CNTNAP5: variants seen among roughly 807,000 people sequenced by gnomAD.
The protein encoded by CNTNAP5 is contactin associated protein family member 5.
A neutral mutation model predicts 150.2 loss-of-function variants in CNTNAP5; 72 were observed. That is an observed-to-expected ratio of 0.48 (90% confidence interval 0.40 to 0.58). CNTNAP5 has a LOEUF of 0.58. Among genes scored for constraint, CNTNAP5 ranks in the 20% least tolerant of loss-of-function variants. CNTNAP5 has a pLI of 0.00. For synonymous variants in CNTNAP5, 672 were observed against 619.8 expected, an observed-to-expected ratio of 1.08 and a Z score of -1.25; for missense variants, 1,636 against 1,626.2, an observed-to-expected ratio of 1.01 and a Z score of -0.10.
chr2:124,404,851 T>C (rs903173954), intron 3 of CNTNAP5, among the ~76,000 whole-genome samples: 8 of 152,174 alleles, frequency 5.3e-5, no homozygotes, highest in African/African-American at 1.9e-4. Flanking sequence ...CCTCAAGTTC[T>C]TTAACTCCAG....
intron 7 of CNTNAP5, among the ~76,000 whole-genome samples, chr2:124,490,378 AGAGGGAGG>A (rs35775977): frequency 7.7e-6 from 1 of 130,242 alleles, no homozygotes; most frequent in Admixed American, 8.2e-5. Flanking sequence ...AGAAAGAAAG[AGAGGGAGG>A]GAGGGAGGGA....
At chr2:124,122,641 G>A (rs1683591445) in intron 1 of CNTNAP5, among the ~76,000 whole-genome samples, 1 of 152,124 alleles carries the variant, frequency 6.6e-6, no homozygotes, top group Non-Finnish European at 1.5e-5. Flanking sequence ...AAAGGCACAA[G>A]TCACAGAGCT....
intron 1 of CNTNAP5, among the ~76,000 whole-genome samples, chr2:124,069,374 C>T (rs916822786): frequency 3.3e-5 from 5 of 152,144 alleles, no homozygotes; most frequent in African/African-American, 1.2e-4. Flanking sequence ...ATACGTGGCT[C>T]CAAGTCAGCA....
At chr2:124,793,816 A>G (rs1681787709) in intron 18 of CNTNAP5, among the ~76,000 whole-genome samples, 1 of 152,178 alleles carries the variant, frequency 6.6e-6, no homozygotes, top group Admixed American at 6.5e-5. Context: ...CACCATTAAT[A>G]AAGAACTTGG....
Position 124,025,604 on chromosome 2 carries a change from A to G in CNTNAP5, c.-47A>G. The stretch of plus-strand genomic sequence containing the variant: ...CAGCGAGAAGAAGCCGCGGCTGGCT[A>G]CTGCGAATTTGGGATTCGATTGGGA... On this transcript the variant is annotated 5_prime_UTR_variant, in exon 1 of 24. Transcript: ENST00000682447. 6.4e-7 allele frequency: 1 copy of G among 1,552,864 alleles called. No homozygotes were observed. The highest frequency in any genetic ancestry group is 1.1e-5 in the South Asian group (1 of 89,870).
intron 1 of CNTNAP5, among the ~76,000 whole-genome samples, chr2:124,093,720 C>T (rs1306699168): frequency 6.6e-6 from 1 of 152,160 alleles, no homozygotes; most frequent in Non-Finnish European, 1.5e-5. Flanking sequence ...AATCTTCATA[C>T]TTGGGTATAA....
At chr2:124,117,057 C>T (rs1303121078) in intron 1 of CNTNAP5, among the ~76,000 whole-genome samples, 1 of 152,250 alleles carries the variant, frequency 6.6e-6, no homozygotes. Flanking sequence ...CTATCCTCCT[C>T]TCCTAACAGA....
At chr2:124,323,844 G>C (rs896937528) in intron 3 of CNTNAP5, among the ~76,000 whole-genome samples, 1 of 151,934 alleles carries the variant, frequency 6.6e-6, no homozygotes, top group African/African-American at 2.4e-5. Flanking sequence ...AAAATAAAAA[G>C]TTATGGCCTT....
chr2:124,233,690 T>C (rs1023461132), intron 2 of CNTNAP5, among the ~76,000 whole-genome samples: 5 of 151,960 alleles, frequency 3.3e-5, no homozygotes, highest in Non-Finnish European at 7.4e-5. Flanking sequence ...CTCTCTTTCC[T>C]CTTTCTCTCC....
intron 10 of CNTNAP5, among the ~76,000 whole-genome samples, chr2:124,559,552 T>C (rs1311628050): frequency 6.6e-6 from 1 of 152,226 alleles, no homozygotes; most frequent in African/African-American, 2.4e-5. Context: ...AGAAGACAGA[T>C]GTTCAATGTG....
chr2:124,783,523 C>T (rs1340923161), intron 17 of CNTNAP5, among the ~76,000 whole-genome samples: 1 of 152,160 alleles, frequency 6.6e-6, no homozygotes, highest in Non-Finnish European at 1.5e-5. Context: ...AATAACAATG[C>T]TTTAATGGCT....
In CNTNAP5 at chr2:124,434,655, A is replaced by C; in HGVS notation, c.701A>C (p.Gln234Pro). ...GGAGACCACATCACCTTGGAACTCC[A>C]GAAGGGGAGGCTCGCCCTACACCTC... ...QRGDHITLEL[Q>P]KGRLALHLNL... is the part of the protein sequence containing the mutation. Residue 234 changes from glutamine to proline, a missense_variant, in exon 5 of 24, where the codon CAG (glutamine) becomes CCG (proline). Gln to Pro is a moderately conservative substitution (Grantham distance 76). Transcript: ENST00000682447. 6.2e-7 allele frequency: 1 copy of C among 1,613,520 alleles called. No individual in the cohort carries two copies. The highest frequency in any genetic ancestry group is 8.5e-7 in the Non-Finnish European group (1 of 1,179,714).
chr2:124,636,900 T>TTTTCTCCTCTCCTCTG (rs1553425550), intron 12 of CNTNAP5, among the ~76,000 whole-genome samples: 5 of 151,718 alleles, frequency 3.3e-5, no homozygotes, highest in Non-Finnish European at 5.9e-5. Flanking sequence ...CCTCATCTCT[T>TTTTCTCCTCTCCTCTG]TCTCTTTTTC....
chr2:124,362,109 AG>A (rs1306706227), intron 3 of CNTNAP5, among the ~76,000 whole-genome samples: 2 of 152,244 alleles, frequency 1.3e-5, no homozygotes, highest in Admixed American at 6.5e-5. Context: ...TGACTCGGAA[AG>A]GGAACTCCCT....
chr2:124,883,904 A>G (rs1040692760), intron 21 of CNTNAP5, among the ~76,000 whole-genome samples: 6 of 152,074 alleles, frequency 3.9e-5, no homozygotes, highest in African/African-American at 9.7e-5. Context: ...GTACAGGCAC[A>G]TGTATATGTG....
chr2:124,787,572 A>G (rs1342796794), intron 17 of CNTNAP5, among the ~76,000 whole-genome samples: 1 of 152,166 alleles, frequency 6.6e-6, no homozygotes, highest in Non-Finnish European at 1.5e-5. Context: ...AATGTCATAC[A>G]TATATTTATG....
chr2:124,798,777 T>C (rs1311735693), intron 19 of CNTNAP5, among the ~76,000 whole-genome samples: 1 of 152,182 alleles, frequency 6.6e-6, no homozygotes, highest in African/African-American at 2.4e-5. Context: ...GTAGTTAGTA[T>C]ATGAGTCATA....
intron 10 of CNTNAP5, among the ~76,000 whole-genome samples, chr2:124,541,179 A>ATTTTTTTTTTTTTTTTTT (rs3980963): frequency 1.4e-4 from 12 of 83,072 alleles, no homozygotes; most frequent in African/African-American, 2.8e-4. Flanking sequence ...CAAAATTCCG[A>ATTTTTTTTTTTTTTTTTT]TTTTTTTTTT....
At position 124,902,899 on chromosome 2, in the gene CNTNAP5, T is replaced by C. The variant is rs756629891; in HGVS notation, c.3454T>C (p.Ser1152Pro). The change falls in exon 22 of 24, where the codon TCT becomes CCT. Residue 1152 changes from serine to proline, a missense_variant. Physicochemically the swap from Ser to Pro is moderately conservative, Grantham distance 74. Transcript: ENST00000682447. ...GKVTENLGLD[S>P]EVAKANAMGF... ...CATTGCAGAGAATCTTGGTTTGGAT[T>C]CTGAAGTTGCTAAAGCAAATGCCAT... The C allele has an allele frequency of 1.2e-6, 2 of 1,609,260 alleles. No homozygotes were observed. The highest frequency in any genetic ancestry group is 2.2e-5 in the South Asian group (2 of 90,762).
Sources: gnomAD v4.1 joint callset for allele counts (sites outside exome capture counted in the v4.1 genomes callset) on GRCh38, gnomAD v4.1.1 for gene constraint, MANE v1.5 for transcripts, NCBI Gene and HGNC (gene_info 2026-07-23, HGNC 2026-07-21) for gene names.